The following TNFAIP8 variants were observed in gnomAD, a reference collection of about 807,000 sequenced individuals.
TNFAIP8 encodes tumor necrosis factor alpha-induced protein 8.
A neutral mutation model predicts 13.3 loss-of-function variants in TNFAIP8; 7 were observed. That is an observed-to-expected ratio of 0.52 (90% CI 0.30 to 0.99). TNFAIP8 has a LOEUF of 0.99. TNFAIP8 is among the 50% of genes least tolerant of loss of function. TNFAIP8 has a pLI of 0.07. For missense variants in TNFAIP8, 258 were observed against 236.9 expected, an observed-to-expected ratio of 1.09 and a Z score of -0.58; for synonymous variants, 94 against 87.6, an observed-to-expected ratio of 1.07 and a Z score of -0.41.
chr5:119,388,634 T>TC (rs1752772360), intron 1 of TNFAIP8, among the ~76,000 whole-genome samples: 1 of 151,410 alleles, frequency 6.6e-6, no homozygotes, highest in Admixed American at 6.6e-5. Flanking sequence ...TCTTTTTTTT[T>TC]CTTTTCTTTT....
chr5:119,360,763 AGTT>A (rs1751603170), intron 1 of TNFAIP8, among the ~76,000 whole-genome samples: 1 of 152,234 alleles, frequency 6.6e-6, no homozygotes, highest in Non-Finnish European at 1.5e-5. Context: ...CTGTTTGTAT[AGTT>A]GTCATTCACT....
At chr5:119,328,750 C>T (rs1750294221) in intron 1 of TNFAIP8, among the ~76,000 whole-genome samples, 1 of 152,190 alleles carries the variant, frequency 6.6e-6, no homozygotes, top group Admixed American at 6.5e-5. Flanking sequence ...TAGAAATTTA[C>T]AGAGAAACTT....
chr5:119,325,358 A>G (rs1342017039), intron 1 of TNFAIP8, among the ~76,000 whole-genome samples: 1 of 152,106 alleles, frequency 6.6e-6, no homozygotes, highest in Admixed American at 6.5e-5. Flanking sequence ...CATATAATAT[A>G]AACTCCTTAC....
intron 1 of TNFAIP8, among the ~76,000 whole-genome samples, chr5:119,330,868 C>G (rs538474453): frequency 6.6e-6 from 1 of 151,532 alleles, no homozygotes; most frequent in East Asian, 1.9e-4. Flanking sequence ...CCATGACTGC[C>G]AATGCCAGTT....
chr5:119,393,159 G>T lies in TNFAIP8; in HGVS notation c.375G>T (p.Arg125=), dbSNP rs188697948. The change falls in exon 2 of 2, where the codon CGG becomes CGT. Residue 125 remains arginine (R), a synonymous_variant. Coordinates refer to ENST00000504771, the MANE Select transcript of TNFAIP8 (RefSeq NM_014350.4). ...SFHQVDYTFD[R]NVLSRLLNEC... Reference sequence around the variant, plus strand: ...ATCAGGTGGATTATACCTTTGACCGGAATGTGTTATCCAGGCTGTTAAATG... The same window carrying T: ...ATCAGGTGGATTATACCTTTGACCGTAATGTGTTATCCAGGCTGTTAAATG... 112 of 1,614,014 alleles carry T rather than the reference G, an allele frequency of 6.9e-5. No homozygotes were observed. In the African/African-American group the frequency reaches 1.1e-3, roughly 16 times the overall value.
chr5:119,295,116 C>T (rs544353134), intron 1 of TNFAIP8, among the ~76,000 whole-genome samples: 6 of 151,722 alleles, frequency 4.0e-5, no homozygotes, highest in East Asian at 3.9e-4. Context: ...AGTCCTTGCC[C>T]GTGCCTATGT....
Position 119,278,370 on chromosome 5 carries a change from AGAGAGAGTGTGTGTGT to A in TNFAIP8, c.1+9465_1+9480del, listed in dbSNP as rs1187891406. The stretch of plus-strand genomic sequence containing the variant: ...GGAAGGGGGAGAGAGAGAGAGAGAG[AGAGAGAGTGTGTGTGT>A]GTGTGTGTGTGTGTGTGTGTGTGTG... On this transcript the variant is annotated intron_variant, in intron 1 of 1. Coordinates refer to the TNFAIP8 transcript ENST00000274456. 1.9e-3 allele frequency among the ~76,000 whole-genome samples: 250 copies of A among 134,730 alleles called. 1 individual carries two copies. Among genetic ancestry groups the A allele is most frequent in the South Asian group, 0.012 (48 of 4,168 alleles). 88.4% of individuals were successfully genotyped at this position (134,730 alleles called of 152,430 possible). A position where few individuals can be genotyped will look rare whatever the true frequency, so the allele number is the denominator to read the frequency against.
intron 1 of TNFAIP8, among the ~76,000 whole-genome samples, chr5:119,361,144 C>T (rs994562402): frequency 1.3e-5 from 2 of 152,234 alleles, no homozygotes; most frequent in African/African-American, 4.8e-5. Context: ...CACAGCCTCT[C>T]TTTCTCTGGA....
At chr5:119,311,080 TG>T (rs1167968320) in intron 1 of TNFAIP8, among the ~76,000 whole-genome samples, 1 of 152,172 alleles carries the variant, frequency 6.6e-6, no homozygotes, top group Non-Finnish European at 1.5e-5. Context: ...TGGAGTGCAA[TG>T]GCATGATTAT....
chr5:119,362,402 C>G (rs145460538), intron 1 of TNFAIP8, among the ~76,000 whole-genome samples: 1 of 152,134 alleles, frequency 6.6e-6, no homozygotes, highest in Admixed American at 6.5e-5. Context: ...AGAGATAAGA[C>G]CCTGTGAGTC....
intron 1 of TNFAIP8, among the ~76,000 whole-genome samples, chr5:119,326,538 G>T (rs1581606861): frequency 6.6e-6 from 1 of 152,222 alleles, no homozygotes; most frequent in Non-Finnish European, 1.5e-5. Flanking sequence ...CCCCTGAGCA[G>T]CAGGGAAGCA....
chr5:119,320,719 C>G (rs561464855), intron 1 of TNFAIP8, among the ~76,000 whole-genome samples: 57 of 147,154 alleles, frequency 3.9e-4, no homozygotes, highest in Middle Eastern at 3.4e-3. Context: ...CCCCTCACTT[C>G]CCTTTGAAGC....
intron 1 of TNFAIP8, among the ~76,000 whole-genome samples, chr5:119,281,306 A>ACACACACACATACACACTCTCT: frequency 8.8e-6 from 1 of 114,134 alleles, no homozygotes; most frequent in Non-Finnish European, 1.9e-5. Flanking sequence ...ACACACACAC[A>ACACACACACATACACACTCTCT]CTCTCTCTCT....
At chr5:119,357,529 AG>A (rs1219871315) in intron 1 of TNFAIP8, among the ~76,000 whole-genome samples, 7 of 152,090 alleles carry the variant, frequency 4.6e-5, no homozygotes, top group Non-Finnish European at 1.0e-4. Context: ...CTGTCTTTTG[AG>A]AAAGAGAGAG....
intron 1 of TNFAIP8, among the ~76,000 whole-genome samples, chr5:119,273,455 T>C (rs1748350917): frequency 6.6e-6 from 1 of 152,334 alleles, no homozygotes; most frequent in Non-Finnish European, 1.5e-5. Context: ...ACTTCAGTGA[T>C]TGCTAGCTGC....
chr5:119,353,682 C>G (rs1751266865), upstream of TNFAIP8, among the ~76,000 whole-genome samples: 1 of 152,058 alleles, frequency 6.6e-6, no homozygotes, highest in Non-Finnish European at 1.5e-5. Flanking sequence ...ACTATTCATT[C>G]AGCAGTTGTA....
rs369893510 is a variant in TNFAIP8, at chr5:119,274,359, A to G, written c.1+5452A>G. The stretch of plus-strand genomic sequence containing the variant: ...TTTATTTTTCCTTCTTCACTCTTTA[A>G]AGGGTTGAGATTGTTTTCTGGAAAA... On this transcript the variant is annotated intron_variant, in intron 1 of 1. Transcript: ENST00000274456. Among the ~76,000 whole-genome samples the G allele has an allele frequency of 3.9e-5, 6 of 152,194 alleles. No individual in the cohort carries two copies. In the East Asian group the frequency reaches 1.2e-3, roughly 29 times the overall value.
upstream of TNFAIP8, chr5:119,354,435 A>C (rs968049555): frequency 1.5e-4 from 23 of 152,278 alleles, no homozygotes; most frequent in African/African-American, 5.3e-4. Flanking sequence ...GTAGGATGTG[A>C]TTTAATATCT....
intron 1 of TNFAIP8, among the ~76,000 whole-genome samples, chr5:119,368,275 T>G (rs1196743224): frequency 6.6e-6 from 1 of 152,182 alleles, no homozygotes; most frequent in Non-Finnish European, 1.5e-5. Flanking sequence ...ACAGGTTTTT[T>G]GGCATCTTGT....
Sources: allele counts gnomAD v4.1 joint callset (sites outside exome capture counted in the v4.1 genomes callset), GRCh38; gene constraint gnomAD v4.1.1; transcripts MANE v1.5; gene names NCBI Gene and HGNC (gene_info 2026-07-23, HGNC 2026-07-21).